Variants in GSE1 observed in about 807,000 individuals in gnomAD.
GSE1 encodes the protein genetic suppressor element 1.
A neutral mutation model predicts 112.6 loss-of-function variants in GSE1; 32 were observed. The ratio of observed to expected loss-of-function variants is 0.28; its 90% CI spans 0.21 to 0.38. The LOEUF is 0.38. Ranked by LOEUF, GSE1 falls within the 10% of genes least tolerant of loss-of-function variation. The pLI, the probability that GSE1 is intolerant of heterozygous loss-of-function variation, is 1.00. For missense variants in GSE1, 2,348 were observed against 1,699.2 expected (o/e 1.38, Z -6.71); for synonymous variants, 1,115 against 735.6 (o/e 1.52, Z -8.35).
intron 8 of GSE1, among the ~76,000 whole-genome samples, chr16:85,660,780 G>T (rs1456106804): frequency 6.6e-6 from 1 of 151,862 alleles, no homozygotes; most frequent in Non-Finnish European, 1.5e-5. Flanking sequence ...ACAGGCACCC[G>T]CCACCATGCC....
At chr16:85,629,574 G>A (rs1334894399) in intron 1 of GSE1, among the ~76,000 whole-genome samples, 1 of 152,236 alleles carries the variant, frequency 6.6e-6, no homozygotes, top group Non-Finnish European at 1.5e-5. Context: ...GGTCATCTCA[G>A]CCCTGCTCTG....
intron 2 of GSE1, among the ~76,000 whole-genome samples, chr16:85,527,946 AAGAG>A (rs1278552479): frequency 6.6e-6 from 1 of 152,102 alleles, no homozygotes; most frequent in Non-Finnish European, 1.5e-5. Flanking sequence ...CCGTTCCTGG[AAGAG>A]AGAGAGGAGC....
At chr16:85,344,201 G>A (rs1330448281) in intron 1 of GSE1, among the ~76,000 whole-genome samples, 1 of 152,186 alleles carries the variant, frequency 6.6e-6, no homozygotes, top group Non-Finnish European at 1.5e-5. Context: ...GCCCGGCGGG[G>A]GAGCTAGGGA....
intron 2 of GSE1, among the ~76,000 whole-genome samples, chr16:85,393,810 T>TGGCTG (rs2047903192): frequency 6.6e-6 from 1 of 152,192 alleles, no homozygotes; most frequent in African/African-American, 2.4e-5. Flanking sequence ...CCCAGCCTGG[T>TGGCTG]GGCTGGGCTG....
intron 1 of GSE1, among the ~76,000 whole-genome samples, chr16:85,261,678 G>A (rs1046986301): frequency 6.6e-6 from 1 of 152,224 alleles, no homozygotes; most frequent in South Asian, 2.1e-4. Context: ...ACTTTCGGCA[G>A]TGTCCACAGG....
At chr16:85,261,660 G>C (rs1411184513) in intron 1 of GSE1, among the ~76,000 whole-genome samples, 1 of 152,192 alleles carries the variant, frequency 6.6e-6, no homozygotes, top group Admixed American at 6.5e-5. Context: ...ACCATCTTGA[G>C]GCCACTGACT....
chr16:85,516,601 A>AT, intron 2 of GSE1, among the ~76,000 whole-genome samples: 1 of 151,570 alleles, frequency 6.6e-6, no homozygotes, highest in African/African-American at 2.4e-5. Context: ...AAAAAAAAAA[A>AT]AAAAAGATTT....
chr16:85,490,729 T>C (rs893314462), intron 2 of GSE1: 1 of 152,198 alleles, frequency 6.6e-6, no homozygotes, highest in Non-Finnish European at 1.5e-5. Flanking sequence ...TGTCCGTCAA[T>C]AGAAGAGGAA....
intron 2 of GSE1, among the ~76,000 whole-genome samples, chr16:85,399,966 C>T (rs574109501): frequency 8.5e-5 from 13 of 152,338 alleles, no homozygotes; most frequent in African/African-American, 2.9e-4. Flanking sequence ...GAGCTGCGCC[C>T]CATGGAGTGT....
At chr16:85,394,930 G>T (rs1056479176) in intron 2 of GSE1, among the ~76,000 whole-genome samples, 3 of 152,146 alleles carry the variant, frequency 2.0e-5, no homozygotes, top group Non-Finnish European at 4.4e-5. Context: ...AGCTCAATGG[G>T]GCAGGCTAGA....
intron 2 of GSE1, among the ~76,000 whole-genome samples, chr16:85,478,942 T>C (rs1177088596): frequency 2.1e-4 from 23 of 108,482 alleles, no homozygotes; most frequent in South Asian, 8.9e-4. Context: ...TCTTTCTTTC[T>C]TTCTTTTTTT....
intron 1 of GSE1, among the ~76,000 whole-genome samples, chr16:85,347,850 C>T (rs2046774579): frequency 6.6e-6 from 1 of 152,214 alleles, no homozygotes; most frequent in South Asian, 2.1e-4. Context: ...CAGACAGCAG[C>T]TCCTGGGCTT....
intron 1 of GSE1, among the ~76,000 whole-genome samples, chr16:85,333,259 AG>A (rs1290061104): frequency 6.6e-6 from 1 of 152,066 alleles, no homozygotes; most frequent in Non-Finnish European, 1.5e-5. Context: ...CTGGCTCTGA[AG>A]GCCTCCCAGC....
chr16:85,336,226 C>A (rs536751977), intron 1 of GSE1, among the ~76,000 whole-genome samples: 1 of 152,148 alleles, frequency 6.6e-6, no homozygotes, highest in East Asian at 1.9e-4. Flanking sequence ...TCCTGACATG[C>A]GCCACTCCAG....
In GSE1 at chr16:85,668,379, C is replaced by T; in HGVS notation, c.3370C>T (p.Gln1124Ter). 6.2e-7 allele frequency: 1 copy of T among 1,612,504 alleles called. No homozygotes were observed. Among genetic ancestry groups the T allele is most frequent in the Non-Finnish European group, 8.5e-7 (1 of 1,179,738 alleles). The change falls in exon 14 of 16, where the codon CAA becomes TAA. Residue 1124 changes from glutamine (Q) to a stop codon, truncating the protein, a stop_gained. Coordinates refer to ENST00000253458, the MANE Select transcript of GSE1 (RefSeq NM_014615.5). LOFTEE classifies it high-confidence loss of function. ...DEEEVPKRKW[Q>*]GIEAVFEAYQ... is the part of the protein sequence containing the mutation. Reference sequence around the variant, plus strand: ...GGAGGAAGTCCCCAAGCGCAAGTGGCAAGGGATCGAGGCCGTTTTTGAAGC... The same window carrying T: ...GGAGGAAGTCCCCAAGCGCAAGTGGTAAGGGATCGAGGCCGTTTTTGAAGC...
chr16:85,290,236 C>T (rs1425844527), intron 1 of GSE1, among the ~76,000 whole-genome samples: 1 of 152,226 alleles, frequency 6.6e-6, no homozygotes. Flanking sequence ...CCCGCCCGCA[C>T]TTCCCTGCAC....
intron 1 of GSE1, chr16:85,593,553 A>G (rs1369919214): frequency 6.7e-6 from 1 of 148,342 alleles, no homozygotes; most frequent in Non-Finnish European, 1.5e-5. Flanking sequence ...TCCTGCTTCC[A>G]CGTCCTGACC....
chr16:85,344,048 A>G (rs945535068), intron 1 of GSE1, among the ~76,000 whole-genome samples: 8 of 152,154 alleles, frequency 5.3e-5, no homozygotes, highest in Non-Finnish European at 1.0e-4. Flanking sequence ...CGTCTCCTTC[A>G]GCGGCTGTGC....
At chr16:85,190,731 T>C (rs1401638392) in intron 1 of GSE1, among the ~76,000 whole-genome samples, 1 of 152,212 alleles carries the variant, frequency 6.6e-6, no homozygotes, top group African/African-American at 2.4e-5. Flanking sequence ...CCTCTGGCAA[T>C]AGATATCCTG....
Sources: gnomAD v4.1 joint callset for allele counts (sites outside exome capture counted in the v4.1 genomes callset) on GRCh38, gnomAD v4.1.1 for gene constraint, MANE v1.5 for transcripts, NCBI Gene and HGNC (gene_info 2026-07-23, HGNC 2026-07-21) for gene names.